FARS2: variants seen among roughly 807,000 people sequenced by gnomAD.
FARS2 encodes phenylalanine--tRNA ligase, mitochondrial.
In FARS2, 40 loss-of-function variants were observed where a neutral mutation model predicts 46.4. The observed-to-expected ratio is 0.86, with a 90% confidence interval of 0.67 to 1.12. FARS2 has a LOEUF of 1.12. FARS2 is among the 50% of genes most tolerant of loss of function. The pLI is 0.00. For missense variants in FARS2, 513 were observed against 567.9 expected (o/e 0.90, Z 0.98); for synonymous variants, 234 against 214.9 (o/e 1.09, Z -0.78).
intron 6 of FARS2, among the ~76,000 whole-genome samples, chr6:5,635,832 T>A (rs1413946148): frequency 1.3e-5 from 2 of 152,202 alleles, no homozygotes; most frequent in African/African-American, 4.8e-5. Flanking sequence ...GCATTTGGAA[T>A]TCAGTGAGCT....
At chr6:5,697,118 T>C (rs1463455291) in intron 6 of FARS2, among the ~76,000 whole-genome samples, 2 of 152,152 alleles carry the variant, frequency 1.3e-5, no homozygotes, top group African/African-American at 2.4e-5. Flanking sequence ...AAGTGACACA[T>C]TGATTGTCAA....
At chr6:5,274,629 G>A (rs750662457) in intron 1 of FARS2, among the ~76,000 whole-genome samples, 37 of 152,228 alleles carry the variant, frequency 2.4e-4, no homozygotes, top group Admixed American at 2.1e-3. Context: ...AACTGGATGC[G>A]TCTAGACTTC....
chr6:5,447,320 G>C (rs1764237879), intron 4 of FARS2, among the ~76,000 whole-genome samples: 1 of 152,172 alleles, frequency 6.6e-6, no homozygotes, highest in Non-Finnish European at 1.5e-5. Flanking sequence ...CTTGGCATGA[G>C]GAAAAGGTCA....
rs779627704 is a variant in FARS2 at position 5,630,988 on chromosome 6, C to T, written c.1217+17668C>T. On this transcript the variant is annotated intron_variant, in intron 6 of 6. Coordinates refer to ENST00000274680, the MANE Select transcript of FARS2 (RefSeq NM_006567.5). The surrounding 1 kb of genome is among the most constrained non-coding windows in gnomAD (Gnocchi z 4.2). ...TATGGCAGGGGAATCTGTTCACCTG[C>T]TACCTAGAATTGCCTCCTCCAAAGG... 6.6e-5 allele frequency among the ~76,000 whole-genome samples: 10 copies of T among 152,168 alleles called. No individual in the cohort carries two copies. Among genetic ancestry groups the T allele is most frequent in the Non-Finnish European group, 1.2e-4 (8 of 68,014 alleles).
At chr6:5,747,990 C>A (rs1018873976) in intron 6 of FARS2, among the ~76,000 whole-genome samples, 1 of 152,174 alleles carries the variant, frequency 6.6e-6, no homozygotes, top group Non-Finnish European at 1.5e-5. Context: ...TGGATCATTT[C>A]TTGAGATCAA....
chr6:5,333,584 C>T (rs1334044141), intron 1 of FARS2, among the ~76,000 whole-genome samples: 1 of 152,162 alleles, frequency 6.6e-6, no homozygotes, highest in Non-Finnish European at 1.5e-5. Context: ...GTCTGAGGAA[C>T]CTCCTACCTT....
intron 1 of FARS2, among the ~76,000 whole-genome samples, chr6:5,278,916 T>TCC (rs1766522152): frequency 2.0e-5 from 3 of 152,194 alleles, no homozygotes; most frequent in Non-Finnish European, 4.4e-5. Flanking sequence ...TCAGGAGGCC[T>TCC]TGAGTGCACA....
At chr6:5,713,095 A>AT (rs1759282861) in intron 6 of FARS2, among the ~76,000 whole-genome samples, 1 of 152,194 alleles carries the variant, frequency 6.6e-6, no homozygotes, top group African/African-American at 2.4e-5. Context: ...GGTCCTGGCA[A>AT]TTTGGCATTA....
chr6:5,477,495 C>T (rs991909041), intron 4 of FARS2, among the ~76,000 whole-genome samples: 8 of 152,170 alleles, frequency 5.3e-5, no homozygotes, highest in African/African-American at 1.9e-4. Flanking sequence ...ACAATGTTTT[C>T]ACTTGTCTTG....
intron 4 of FARS2, among the ~76,000 whole-genome samples, chr6:5,485,023 A>G (rs985281899): frequency 6.6e-6 from 1 of 152,130 alleles, no homozygotes; most frequent in Non-Finnish European, 1.5e-5. Flanking sequence ...CAGTTGGTGG[A>G]GAGGAGAGAG....
chr6:5,265,611 C>T (rs1160517879), intron 1 of FARS2, among the ~76,000 whole-genome samples: 1 of 152,166 alleles, frequency 6.6e-6, no homozygotes, highest in African/African-American at 2.4e-5. Flanking sequence ...AGCTGGCAGC[C>T]TAGCAATTTA....
chr6:5,364,837 GC>G (rs1758544627), intron 1 of FARS2, among the ~76,000 whole-genome samples: 1 of 152,148 alleles, frequency 6.6e-6, no homozygotes, highest in African/African-American at 2.4e-5. Flanking sequence ...TTTGAGACCA[GC>G]CTGGGCAATG....
intron 6 of FARS2, among the ~76,000 whole-genome samples, chr6:5,709,286 C>T (rs1294421296): frequency 4.6e-5 from 7 of 152,088 alleles, no homozygotes; most frequent in South Asian, 2.1e-4. Flanking sequence ...CAGGTGGGCC[C>T]GAGCAGAGGA....
chr6:5,495,204 C>T (rs552406684), intron 4 of FARS2, among the ~76,000 whole-genome samples: 78 of 152,270 alleles, frequency 5.1e-4, no homozygotes, highest in Admixed American at 2.0e-3. Context: ...AAACTGTAGC[C>T]GCCTGAAATT....
At chr6:5,677,498 G>T (rs930561209) in intron 6 of FARS2, among the ~76,000 whole-genome samples, 1 of 152,222 alleles carries the variant, frequency 6.6e-6, no homozygotes, top group African/African-American at 2.4e-5. Context: ...TAAGTGTTCT[G>T]CTCCAAATAC....
At chr6:5,517,641 TACACACAC>T (rs1295675717) in intron 4 of FARS2, among the ~76,000 whole-genome samples, 5 of 151,444 alleles carry the variant, frequency 3.3e-5, no homozygotes, top group Non-Finnish European at 5.9e-5. Flanking sequence ...GACATATATA[TACACACAC>T]ATACACACAT....
At chr6:5,390,651 A>C (rs910453523) in intron 2 of FARS2, among the ~76,000 whole-genome samples, 1 of 152,174 alleles carries the variant, frequency 6.6e-6, no homozygotes, top group African/African-American at 2.4e-5. Flanking sequence ...TCAGTTCTCA[A>C]ACATATTATG....
intron 4 of FARS2, among the ~76,000 whole-genome samples, chr6:5,483,398 GC>G (rs377607208): frequency 6.6e-6 from 1 of 151,994 alleles, no homozygotes; most frequent in South Asian, 2.1e-4. Flanking sequence ...CTTATATTAG[GC>G]CAGGCCTGGT....
intron 1 of FARS2, among the ~76,000 whole-genome samples, chr6:5,317,334 G>A (rs1243674789): frequency 6.6e-6 from 1 of 152,188 alleles, no homozygotes; most frequent in Non-Finnish European, 1.5e-5. Context: ...CAGCCCACAG[G>A]CCCAGACTCA....
Sources: allele counts gnomAD v4.1 joint callset (sites outside exome capture counted in the v4.1 genomes callset), GRCh38; gene constraint gnomAD v4.1.1; non-coding constraint Gnocchi (gnomAD v3.1); transcripts MANE v1.5; gene names NCBI Gene and HGNC (gene_info 2026-07-23, HGNC 2026-07-21).